PRDM15: variants seen among roughly 807,000 people sequenced by gnomAD.
PRDM15 encodes the protein PR/SET domain 15, also known as PR domain zinc finger protein 15.
A neutral mutation model predicts 128.6 loss-of-function variants in PRDM15; 64 were observed. The ratio of observed to expected loss-of-function variants is 0.50; its 90% confidence interval spans 0.41 to 0.61. PRDM15 has a LOEUF of 0.61. Ranked by LOEUF, PRDM15 falls within the 20% of genes least tolerant of loss-of-function variation. The pLI is 0.00. For synonymous variants in PRDM15, 615 were observed against 621.8 expected (o/e 0.99, Z 0.16); for missense variants, 1,242 against 1,569.1 (o/e 0.79, Z 3.52).
intron 11 of PRDM15, among the ~76,000 whole-genome samples, chr21:41,829,752 C>G (rs1348856715): frequency 2.0e-5 from 3 of 151,298 alleles, no homozygotes; most frequent in African/African-American, 7.3e-5. Flanking sequence ...ACCACATACA[C>G]ACACATTCAA....
chr21:41,835,406 G>A (rs367940293), intron 11 of PRDM15, 31 bp downstream of exon 11: 132 of 1,577,114 alleles, frequency 8.4e-5, no homozygotes, highest in East Asian at 2.0e-4. Flanking sequence ...ACCGCACAGC[G>A]GCCGAGGGGA....
At position 41,821,894 on chromosome 21, in the gene PRDM15, C is replaced by T. The variant is rs1184683136; in HGVS notation, c.1896+9G>A. On this transcript the variant is annotated intron_variant, in intron 15 of 23. Transcript: ENST00000398548. The surrounding 1 kb of genome is among the most constrained non-coding windows in gnomAD (Gnocchi z 5.4). Reference sequence around the variant, plus strand: ...ACCACCCAGGCACCGCGGGGCAAACCCGCCATACCTGGCACCGCTTGCAGC... The same window carrying T: ...ACCACCCAGGCACCGCGGGGCAAACTCGCCATACCTGGCACCGCTTGCAGC... The T allele has an allele frequency of 6.2e-7, 1 of 1,613,942 alleles. No homozygotes were observed. The highest frequency in any genetic ancestry group is 1.1e-5 in the South Asian group (1 of 91,084).
At position 41,806,519 on chromosome 21, in the gene PRDM15, CCAT is replaced by C. The variant is rs1294163356; in HGVS notation, c.2653-1908_2653-1906del. ...ATCACCACCATCACCATCACCACCA[CCAT>C]CACCACCACCATCACTACCACCAAC... On this transcript the variant is annotated intron_variant, in intron 21 of 23. Transcript: ENST00000398548. Among the ~76,000 whole-genome samples the C allele has an allele frequency of 7.5e-4, 13 of 17,416 alleles. 1 individual carries two copies. The East Asian group carries it at 0.021, about 28-fold the overall frequency. The allele number at this position is 17,416 out of a possible 152,430, so 11.4% of individuals were successfully genotyped here.
chr21:41,842,807 C>T (rs372237789), intron 6 of PRDM15, among the ~76,000 whole-genome samples: 8 of 122,376 alleles, frequency 6.5e-5, no homozygotes, highest in South Asian at 2.8e-4. Flanking sequence ...TTTTTTGAGA[C>T]GGAGTCTCAC....
At position 41,810,321 on chromosome 21, in the gene PRDM15, G is replaced by A; in HGVS notation, c.2485C>T (p.Gln829Ter). The change falls in exon 21 of 24, where the codon CAG becomes TAG. Residue 829 changes from glutamine (Q) to a stop codon, truncating the protein, a stop_gained. Transcript: ENST00000398548. LOFTEE classifies it high-confidence loss of function. The surrounding 1 kb of genome is among the most constrained non-coding windows in gnomAD (Gnocchi z 6.4). ...TTGTCGCACACGGAGCACGTCCACT[G>A]CTTGCCCACTTTTCACACACACGCA... Reference protein sequence around the residue: ...THKLIHTVGKQWTCSVCDKKY... With the variant: ...THKLIHTVGK 1.2e-6 allele frequency: 2 copies of A among 1,612,562 alleles called. No individual in the cohort carries two copies. The highest frequency in any genetic ancestry group is 8.5e-7 in the Non-Finnish European group (1 of 1,179,510).
In PRDM15 at chr21:41,804,587, C is replaced by T; in HGVS notation, c.2680G>A (p.Asp894Asn). The T allele has an allele frequency of 6.4e-7, 1 of 1,570,172 alleles. No homozygotes were observed. The highest frequency in any genetic ancestry group is 8.6e-7 in the Non-Finnish European group (1 of 1,157,572). The change falls in exon 22 of 24, where the codon GAC (aspartate) becomes AAC (asparagine). Residue 894 changes from aspartate (D) to asparagine (N), a missense_variant. Around this residue, in one of 3 missense-constraint regions of PRDM15, gnomAD observed 602 missense variants for 788.3 expected, o/e 0.76. Transcript: ENST00000398548. ...EVLAVRIDDL[D>N]HLPETTTIDA... Reference sequence around the variant, plus strand: ...ATGGTGGTGGTCTCCGGGAGGTGGTCCAGGTCATCGATCCTCACCGCGAGC... The same window carrying T: ...ATGGTGGTGGTCTCCGGGAGGTGGTTCAGGTCATCGATCCTCACCGCGAGC...
intron 6 of PRDM15, among the ~76,000 whole-genome samples, chr21:41,842,568 A>G (rs545132045): frequency 6.6e-6 from 1 of 151,690 alleles, no homozygotes; most frequent in African/African-American, 2.4e-5. Context: ...TCGGCTCACT[A>G]TAACCTCCGC....
intron 1 of PRDM15, chr21:41,867,280 C>G: frequency 6.2e-7 from 1 of 1,601,140 alleles, no homozygotes; most frequent in Non-Finnish European, 8.5e-7. Flanking sequence ...GATGCAACTC[C>G]TTTCTACTCT....
rs2061839337 is a variant in PRDM15, at chr21:41,810,763, G to A, written c.2466C>T (p.Leu822=). ...GGCTGCGCCGCTCACCTGTGTGGAT[G>A]AGCTTGTGGGTCTCCATGGTGTTCC... The part of the protein sequence containing the change: ...SERNTMETHK[L]IHTVGKQWTC... Residue 822 remains leucine (L), a synonymous_variant, in exon 20 of 24, where the codon CTC becomes CTT. Coordinates refer to ENST00000398548, the MANE Select transcript of PRDM15 (RefSeq NM_001040424.3). The surrounding 1 kb of genome is among the most constrained non-coding windows in gnomAD (Gnocchi z 6.4). The A allele has an allele frequency of 6.2e-7, 1 of 1,614,046 alleles. No homozygotes were observed. Among genetic ancestry groups the A allele is most frequent in the Non-Finnish European group, 8.5e-7 (1 of 1,179,994 alleles).
At chr21:41,847,753 G>A (rs948604139) in intron 5 of PRDM15, among the ~76,000 whole-genome samples, 1 of 152,224 alleles carries the variant, frequency 6.6e-6, no homozygotes, top group African/African-American at 2.4e-5. Flanking sequence ...CAGGAAATAA[G>A]TGTTTAATTT....
intron 1 of PRDM15, among the ~76,000 whole-genome samples, chr21:41,874,466 C>T (rs2064326323): frequency 1.5e-5 from 2 of 135,900 alleles, no homozygotes. Context: ...TTTTTGGTCA[C>T]AATAAAAGAC....
At chr21:41,826,100 CA>C (rs1225295150) in intron 12 of PRDM15, 46 bp from the exon 13 acceptor site, 1 of 1,464,062 alleles carries the variant, frequency 6.8e-7, no homozygotes, top group African/African-American at 1.4e-5. Context: ...ACACATAGAA[CA>C]CGCGAAGGTC....
At chr21:41,875,590 T>A (rs2064384533) in intron 1 of PRDM15, among the ~76,000 whole-genome samples, 1 of 152,252 alleles carries the variant, frequency 6.6e-6, no homozygotes, top group African/African-American at 2.4e-5. Context: ...GTGACAGCCA[T>A]GGCCATCTAT....
rs1211253604 is a variant in PRDM15 at position 41,806,424 on chromosome 21, CCATCACCACCACCACCAT to C, written c.2653-1828_2653-1811del. On this transcript the variant is annotated intron_variant, in intron 21 of 23. Transcript: ENST00000398548. ...ACCACCACCACCATCACCACCACCA[CCATCACCACCACCACCAT>C]CACCACCACCCATCACCATCACCAC... 5.4e-3 allele frequency among the ~76,000 whole-genome samples: 226 copies of C among 42,214 alleles called. 6 individuals carry two copies. The highest frequency in any genetic ancestry group is 7.5e-3 in the Non-Finnish European group (145 of 19,358). The allele number at this position is 42,214 out of a possible 152,430, so 27.7% of individuals were successfully genotyped here. A position where few individuals can be genotyped will look rare whatever the true frequency, so the allele number is the denominator to read the frequency against.
rs1214091667 is a variant in PRDM15, at chr21:41,819,621, C to T, written c.2221G>A (p.Asp741Asn). The change falls in exon 18 of 24, where the codon GAC becomes AAC. Residue 741 changes from aspartate (D) to asparagine (N), a missense_variant. By Grantham distance (23) the Asp-to-Asn change is conservative. Coordinates refer to ENST00000398548, the MANE Select transcript of PRDM15 (RefSeq NM_001040424.3). ...DMLKEHMRVH[D>N]NVREYLCAEC... ...GCACACAGGTACTCGCGGACATTGTCGTGCACACGCATGTGCTCCTTCAGC... is the reference window on the plus strand; with the variant it reads ...GCACACAGGTACTCGCGGACATTGTTGTGCACACGCATGTGCTCCTTCAGC... 1.1e-5 allele frequency: 17 copies of T among 1,612,050 alleles called. No homozygotes were observed. Among genetic ancestry groups the T allele is most frequent in the African/African-American group, 4.0e-5 (3 of 74,906 alleles).
rs78802404 is a variant in PRDM15, at chr21:41,817,942, T to A, written c.2260+1640A>T. On this transcript the variant is annotated intron_variant, in intron 18 of 23. Transcript: ENST00000398548. ...TCAAACACTAAAATGTCTACAACAT[T>A]ATAAAATGTGGCTTTACCCCACACC... Among the ~76,000 whole-genome samples, 1,292 of 152,368 alleles carry A rather than the reference T, an allele frequency of 8.5e-3. 14 individuals are homozygous for A. The highest frequency in any genetic ancestry group is 0.065 in the South Asian group (313 of 4,832).
Position 41,826,016 on chromosome 21 carries a change from C to G in PRDM15, c.1573G>C (p.Gly525Arg). ...RVKREDLEAG[G>R]ENLVRYKKEP... is the part of the protein sequence containing the mutation. The stretch of plus-strand genomic sequence containing the variant: ...TTCTTGTAACGGACCAGGTTCTCCC[C>G]ACCGGCCTCCAGGTCCTCTCGCTTC... Residue 525 changes from glycine (G) to arginine (R), a missense_variant, in exon 13 of 24, where the codon GGG (glycine) becomes CGG (arginine). Around this residue, in one of 3 missense-constraint regions of PRDM15, gnomAD observed 612 missense variants for 717.0 expected, o/e 0.85. Coordinates refer to ENST00000398548, the MANE Select transcript of PRDM15 (RefSeq NM_001040424.3). 6.2e-7 allele frequency: 1 copy of G among 1,614,198 alleles called. No individual in the cohort carries two copies. The highest frequency in any genetic ancestry group is 1.1e-5 in the South Asian group (1 of 91,084).
At chr21:41,819,776 G>T in intron 17 of PRDM15, 75 bp from the exon 18 acceptor site, 1 of 1,526,020 alleles carries the variant, frequency 6.6e-7, no homozygotes, top group Non-Finnish European at 8.8e-7. Context: ...ATGCACCAAG[G>T]AGAGGGGCCC....
intron 14 of PRDM15, among the ~76,000 whole-genome samples, chr21:41,822,729 G>A (rs2062322880): frequency 6.6e-6 from 1 of 152,194 alleles, no homozygotes; most frequent in Admixed American, 6.5e-5. Flanking sequence ...TCATGAGGCT[G>A]GAGCCCTCAA....
Sources: allele counts gnomAD v4.1 joint callset (sites outside exome capture counted in the v4.1 genomes callset), GRCh38; gene constraint gnomAD v4.1.1; regional missense constraint gnomAD v4.1.1; non-coding constraint Gnocchi (gnomAD v3.1); transcripts MANE v1.5; gene names NCBI Gene and HGNC (gene_info 2026-07-23, HGNC 2026-07-21).